Variants in BAZ2B observed in about 807,000 individuals in gnomAD.
BAZ2B encodes the protein bromodomain adjacent to zinc finger domain 2B.
A neutral mutation model predicts 246.0 loss-of-function variants in BAZ2B; 91 were observed. The ratio of observed to expected loss-of-function variants is 0.37; its 90% confidence interval spans 0.31 to 0.44. BAZ2B has a LOEUF of 0.44. BAZ2B is among the 20% of genes least tolerant of loss of function. The probability of loss-of-function intolerance (pLI) is 1.00; values close to 1 mark genes in which losing one functional copy is unlikely to be tolerated. For synonymous variants in BAZ2B, 855 were observed against 860.0 expected, an observed-to-expected ratio of 0.99 and a Z score of 0.10; for missense variants, 2,332 against 2,533.7, an observed-to-expected ratio of 0.92 and a Z score of 1.71.
intron 1 of BAZ2B, among the ~76,000 whole-genome samples, chr2:159,591,010 A>G (rs1020595870): frequency 2.0e-5 from 3 of 152,136 alleles, no homozygotes; most frequent in African/African-American, 7.2e-5. Context: ...TTATCAGAGT[A>G]TAAGATCTAC....
intron 2 of BAZ2B, among the ~76,000 whole-genome samples, chr2:159,495,307 A>C (rs1476865214): frequency 6.6e-6 from 1 of 150,618 alleles, no homozygotes; most frequent in African/African-American, 2.4e-5. Context: ...AAAACGGTGA[A>C]ACCCCGTCTC....
chr2:159,655,714 G>A, the BAZ2B span, among the ~76,000 whole-genome samples: 417 of 152,160 alleles, frequency 2.7e-3, 3 homozygotes, highest in African/African-American at 9.6e-3. Flanking sequence ...CAAGTTTACT[G>A]AGTGTTTCAA....
chr2:159,469,168 T>C (rs2077467354), intron 3 of BAZ2B, among the ~76,000 whole-genome samples: 2 of 150,468 alleles, frequency 1.3e-5, no homozygotes, highest in Admixed American at 1.3e-4. Flanking sequence ...AACCAAAAGC[T>C]TGTTCTTAAA....
the BAZ2B span, among the ~76,000 whole-genome samples, chr2:159,657,132 A>G: frequency 6.6e-6 from 1 of 152,126 alleles, no homozygotes. Flanking sequence ...TTTTACATTT[A>G]GGTCTATCCA....
chr2:159,460,987 G>C (rs1559502413), intron 3 of BAZ2B: 1 of 152,524 alleles, frequency 6.6e-6, no homozygotes, highest in Non-Finnish European at 1.5e-5. Flanking sequence ...AGATAGTGTG[G>C]TATGGATGGA....
At chr2:159,662,096 C>A in the BAZ2B span, among the ~76,000 whole-genome samples, 2 of 152,332 alleles carry the variant, frequency 1.3e-5, no homozygotes, top group South Asian at 2.1e-4. Context: ...AATCATACAA[C>A]ATGTGGCCTT....
intron 13 of BAZ2B, among the ~76,000 whole-genome samples, chr2:159,424,427 A>C (rs1001494198): frequency 6.6e-6 from 1 of 152,056 alleles, no homozygotes; most frequent in African/African-American, 2.4e-5. Context: ...CTAGAGAAAA[A>C]CCCAGAATTC....
At chr2:159,598,213 T>G (rs936211332) in intron 1 of BAZ2B, among the ~76,000 whole-genome samples, 7 of 151,764 alleles carry the variant, frequency 4.6e-5, no homozygotes, top group African/African-American at 1.7e-4. Context: ...AGGCTGGTCT[T>G]GAACTCCTGA....
At chr2:159,394,079 C>A (rs1360049473) in intron 20 of BAZ2B, among the ~76,000 whole-genome samples, 1 of 151,942 alleles carries the variant, frequency 6.6e-6, no homozygotes, top group Admixed American at 6.6e-5. Flanking sequence ...GCTTTCCTCC[C>A]TGCCAAGAAA....
In BAZ2B at chr2:159,535,829, G is replaced by T. The variant is rs192717476; in HGVS notation, c.-3+19994C>A. Among the ~76,000 whole-genome samples, 18 of 152,176 alleles carry T rather than the reference G, an allele frequency of 1.2e-4. No homozygotes were observed. The East Asian group carries it at 2.1e-3, about 18-fold the overall frequency. ...AAAGCAAAATCCATGTTAGAAAATG[G>T]TCTGCAGCTACCAGGTCACTTCTGC... On this transcript the variant is annotated intron_variant, in intron 2 of 36. Coordinates refer to ENST00000392783, the MANE Select transcript of BAZ2B (RefSeq NM_013450.4).
intron 31 of BAZ2B, among the ~76,000 whole-genome samples, chr2:159,345,084 C>A (rs1394458734): frequency 1.3e-5 from 2 of 151,890 alleles, no homozygotes; most frequent in Non-Finnish European, 2.9e-5. Context: ...GTGGGGCATG[C>A]CTGTAATCCC....
At chr2:159,565,863 T>C (rs925431230) in intron 1 of BAZ2B, among the ~76,000 whole-genome samples, 3 of 148,074 alleles carry the variant, frequency 2.0e-5, no homozygotes, top group African/African-American at 7.5e-5. Context: ...AGGTAATAAA[T>C]ATAAGACATG....
intron 17 of BAZ2B, 93 bp from the exon 18 acceptor site, chr2:159,398,987 A>C: frequency 8.2e-7 from 1 of 1,216,802 alleles, no homozygotes; most frequent in Non-Finnish European, 1.2e-6. Flanking sequence ...ATGTCTCACA[A>C]GGTACGAAAC....
chr2:159,386,604 A>C lies in BAZ2B; in HGVS notation c.3220T>G (p.Leu1074Val). 1.3e-6 allele frequency: 2 copies of C among 1,593,370 alleles called. No homozygotes were observed. The highest frequency in any genetic ancestry group is 1.7e-6 in the Non-Finnish European group (2 of 1,172,710). Residue 1074 changes from leucine to valine, a missense_variant, in exon 22 of 37, where the codon TTG (leucine) becomes GTG (valine). Leu to Val is a conservative substitution (Grantham distance 32). Around this residue, in one of 9 missense-constraint regions of BAZ2B, gnomAD observed 328 missense variants for 410.4 expected, o/e 0.80. Coordinates refer to ENST00000392783, the MANE Select transcript of BAZ2B (RefSeq NM_013450.4). ...CCTGGAATACGAGGCAACTCTGGCAAAGGCTGAAAATAAAATGAAATACAA... is the reference window on the plus strand; with the variant it reads ...CCTGGAATACGAGGCAACTCTGGCACAGGCTGAAAATAAAATGAAATACAA... Reference protein sequence around the residue: ...EDMCLADQKPLPELPRIPGLV... With the variant: ...EDMCLADQKPVPELPRIPGLV...
intron 25 of BAZ2B, among the ~76,000 whole-genome samples, chr2:159,377,812 C>CAAAAAAAAAAAAAAAAAA (rs35570732): frequency 5.0e-4 from 47 of 94,162 alleles, no homozygotes; most frequent in Non-Finnish European, 7.8e-4. Context: ...ACTCTGTCTC[C>CAAAAAAAAAAAAAAAAAA]AAAAAAAAAA....
the BAZ2B span, among the ~76,000 whole-genome samples, chr2:159,642,238 C>CT: frequency 0.36 from 47,042 of 131,654 alleles, 8,939 homozygotes; most frequent in Admixed American, 0.48. Flanking sequence ...TTCTTTCTTT[C>CT]TTTTTTTTTT....
At chr2:159,699,053 G>A in the BAZ2B span, among the ~76,000 whole-genome samples, 3 of 152,144 alleles carry the variant, frequency 2.0e-5, no homozygotes, top group African/African-American at 7.2e-5. Context: ...TTGTCTTCTG[G>A]TAATCCTGGA....
chr2:159,660,184 T>A, the BAZ2B span, among the ~76,000 whole-genome samples: 1 of 152,194 alleles, frequency 6.6e-6, no homozygotes, highest in Non-Finnish European at 1.5e-5. Flanking sequence ...CTATGAGGTA[T>A]CATATATATC....
intron 3 of BAZ2B, among the ~76,000 whole-genome samples, chr2:159,471,025 G>GA (rs939999720): frequency 6.5e-4 from 95 of 146,934 alleles, no homozygotes; most frequent in Middle Eastern, 3.5e-3. Flanking sequence ...GAATCTGGGG[G>GA]AAAAAAAAAA....
Sources: gnomAD v4.1 joint callset for allele counts (sites outside exome capture counted in the v4.1 genomes callset) on GRCh38, gnomAD v4.1.1 for gene constraint, gnomAD v4.1.1 regional missense constraint, MANE v1.5 for transcripts, NCBI Gene and HGNC (gene_info 2026-07-23, HGNC 2026-07-21) for gene names.